RABGAP1: variants seen among roughly 807,000 people sequenced by gnomAD.
RABGAP1 encodes the protein RAB GTPase activating protein 1.
Under a neutral mutation model 137.6 loss-of-function variants are expected in RABGAP1, and 23 were observed. That is an observed-to-expected ratio of 0.17 (90% confidence interval 0.12 to 0.24). RABGAP1 has a LOEUF of 0.24. RABGAP1 is among the 10% of genes least tolerant of loss of function. The pLI, the probability that RABGAP1 is intolerant of heterozygous loss-of-function variation, is 1.00. For missense variants in RABGAP1, 906 were observed against 1,275.8 expected (o/e 0.71, Z 4.42); for synonymous variants, 451 against 450.7 (o/e 1.00, Z -0.01).
At chr9:123,081,640 T>C (rs1381944346) in intron 19 of RABGAP1, among the ~76,000 whole-genome samples, 1 of 152,044 alleles carries the variant, frequency 6.6e-6, no homozygotes, top group Non-Finnish European at 1.5e-5. Flanking sequence ...ACAAGGTCTC[T>C]TTGTGTTGCC....
upstream of RABGAP1, chr9:122,940,249 C>A: frequency 6.6e-6 from 1 of 152,174 alleles, no homozygotes; most frequent in East Asian, 1.9e-4. Flanking sequence ...AGGACAGGGA[C>A]TTTAAACTTC....
At chr9:123,073,466 G>A (rs2034419916) in intron 15 of RABGAP1, 86 bp from the exon 16 acceptor site, 1 of 1,494,966 alleles carries the variant, frequency 6.7e-7, no homozygotes, top group East Asian at 2.3e-5. Flanking sequence ...TATAAAGCTG[G>A]ATTTAATATC....
chr9:122,997,941 A>G (rs1249072989), intron 9 of RABGAP1, among the ~76,000 whole-genome samples: 1 of 152,198 alleles, frequency 6.6e-6, no homozygotes, highest in Non-Finnish European at 1.5e-5. Context: ...ATAAATAGTT[A>G]AAGGATGTAA....
chr9:123,098,566 G>A, intron 22 of RABGAP1, 149 bp from the exon 23 acceptor site: 1 of 618,314 alleles, frequency 1.6e-6, no homozygotes, highest in Non-Finnish European at 2.9e-6. Flanking sequence ...GATTAGTGCT[G>A]CCAAGATTGA....
chr9:122,979,371 G>A (rs1364043123), intron 2 of RABGAP1, among the ~76,000 whole-genome samples: 1 of 152,096 alleles, frequency 6.6e-6, no homozygotes, highest in Non-Finnish European at 1.5e-5. Context: ...ATATATTCTG[G>A]ATATACGTCC....
chr9:122,965,711 G>A (rs1232672249), intron 2 of RABGAP1, among the ~76,000 whole-genome samples: 3 of 152,184 alleles, frequency 2.0e-5, no homozygotes, highest in Non-Finnish European at 4.4e-5. Context: ...TAATGAATTT[G>A]TTTTAAAATT....
At chr9:123,078,726 C>A (rs1157551669) in intron 19 of RABGAP1, among the ~76,000 whole-genome samples, 1 of 152,156 alleles carries the variant, frequency 6.6e-6, no homozygotes, top group African/African-American at 2.4e-5. Flanking sequence ...CCTGGTTGCT[C>A]AGGCCAAAAA....
intron 2 of RABGAP1, among the ~76,000 whole-genome samples, chr9:122,983,876 T>C (rs1836222553): frequency 6.6e-6 from 1 of 152,216 alleles, no homozygotes; most frequent in Admixed American, 6.5e-5. Context: ...TAGAATTACT[T>C]GATATTATTG....
At chr9:123,086,993 G>A (rs1262510382) in intron 19 of RABGAP1, among the ~76,000 whole-genome samples, 1 of 152,120 alleles carries the variant, frequency 6.6e-6, no homozygotes, top group Non-Finnish European at 1.5e-5. Context: ...ACTCAATGCA[G>A]AATACTTGGA....
chr9:123,085,597 A>G (rs1213909516), intron 19 of RABGAP1, among the ~76,000 whole-genome samples: 1 of 152,262 alleles, frequency 6.6e-6, no homozygotes, highest in African/African-American at 2.4e-5. Context: ...GCCTTCTGAT[A>G]GGAATCAGTG....
At chr9:122,988,499 A>ATTTT (rs71388335) in intron 4 of RABGAP1, among the ~76,000 whole-genome samples, 1 of 143,970 alleles carries the variant, frequency 6.9e-6, no homozygotes, top group Non-Finnish European at 1.5e-5. Context: ...TTTATTCATG[A>ATTTT]TTTTTTTTTT....
intron 11 of RABGAP1, among the ~76,000 whole-genome samples, chr9:123,012,960 A>G (rs1266960013): frequency 1.3e-5 from 2 of 152,216 alleles, no homozygotes; most frequent in African/African-American, 4.8e-5. Flanking sequence ...CTTCTTACCC[A>G]TAAGACATTT....
At chr9:122,935,808 C>T in the RABGAP1 span, among the ~76,000 whole-genome samples, 8 of 152,190 alleles carry the variant, frequency 5.3e-5, no homozygotes, top group Admixed American at 2.6e-4. Context: ...ACTTGCACTT[C>T]AAAATGTCGG....
intron 13 of RABGAP1, among the ~76,000 whole-genome samples, chr9:123,042,655 G>A (rs1588320699): frequency 6.6e-6 from 1 of 152,154 alleles, no homozygotes; most frequent in East Asian, 1.9e-4. Flanking sequence ...AAAAGGCAGA[G>A]AGACAGAAAA....
At chr9:123,043,504 T>C (rs646545) in intron 13 of RABGAP1, among the ~76,000 whole-genome samples, 114,733 of 151,940 alleles carry the variant, frequency 0.76, 45,274 homozygotes, top group Middle Eastern at 0.89. Context: ...CAGAAAAAAA[T>C]AGAAAATTGA....
chr9:123,057,333 A>T (rs1245453349), intron 13 of RABGAP1, among the ~76,000 whole-genome samples: 3 of 145,586 alleles, frequency 2.1e-5, no homozygotes, highest in Admixed American at 2.1e-4. Flanking sequence ...CTCACTTCTC[A>T]GACGGGGCGG....
chr9:122,952,347 C>T (rs531775664), intron 1 of RABGAP1, among the ~76,000 whole-genome samples: 4 of 152,200 alleles, frequency 2.6e-5, no homozygotes, highest in Middle Eastern at 3.4e-3. Context: ...CAAGCTCCGC[C>T]TCCTGGGTTC....
At chr9:122,941,508 T>C (rs1222385285) in intron 1 of RABGAP1, among the ~76,000 whole-genome samples, 1 of 152,210 alleles carries the variant, frequency 6.6e-6, no homozygotes, top group Non-Finnish European at 1.5e-5. Context: ...CATTGCTCAC[T>C]AGGCCTGTAT....
At chr9:123,048,055 T>C (rs1230251477) in intron 13 of RABGAP1, among the ~76,000 whole-genome samples, 1 of 149,864 alleles carries the variant, frequency 6.7e-6, no homozygotes. Context: ...TTCTCCTGCC[T>C]TAGCCTCCTG....
Sources: gnomAD v4.1 joint callset for allele counts (sites outside exome capture counted in the v4.1 genomes callset) on GRCh38, gnomAD v4.1.1 for gene constraint, MANE v1.5 for transcripts, NCBI Gene and HGNC (gene_info 2026-07-23, HGNC 2026-07-21) for gene names.